The following SMOC2 variants were observed in gnomAD, a reference collection of about 807,000 sequenced individuals.
SMOC2 encodes the protein SPARC related modular calcium binding 2, also known as SPARC-related modular calcium-binding protein 2.
SMOC2 carries 39 observed loss-of-function variants against 61.4 expected under a neutral mutation model. That is an observed-to-expected ratio of 0.64 (90% CI 0.49 to 0.83). The LOEUF (loss-of-function observed/expected upper bound fraction) is 0.83, where lower values mean the gene tolerates loss of function less well. SMOC2 is among the 40% of genes least tolerant of loss of function. SMOC2 has a pLI of 0.00. For missense variants in SMOC2, 556 were observed against 592.9 expected, an observed-to-expected ratio of 0.94 and a Z score of 0.65; for synonymous variants, 247 against 239.9, an observed-to-expected ratio of 1.03 and a Z score of -0.27.
At chr6:168,522,498 T>C (rs1405207403) in intron 2 of SMOC2, among the ~76,000 whole-genome samples, 1 of 152,218 alleles carries the variant, frequency 6.6e-6, no homozygotes, top group African/African-American at 2.4e-5. Context: ...TTCAATAGAA[T>C]ATTATTCAGC....
intron 7 of SMOC2, among the ~76,000 whole-genome samples, chr6:168,558,283 G>C (rs1784295714): frequency 6.6e-6 from 1 of 152,188 alleles, no homozygotes; most frequent in African/African-American, 2.4e-5. Flanking sequence ...CGGGAGAGTG[G>C]TTGGTGTCAT....
rs1241200552 is a variant in SMOC2, at chr6:168,441,255, T to TCGCGGAGCCGCCCCTC, written c.-114_-99dup. 7.4e-7 allele frequency: 1 copy of TCGCGGAGCCGCCCCTC among 1,359,536 alleles called. No homozygotes were observed. The highest frequency in any genetic ancestry group is 1.5e-5 in the African/African-American group (1 of 64,764). 84.2% of individuals were successfully genotyped at this position (1,359,536 alleles called of 1,614,324 possible). A position where few individuals can be genotyped will look rare whatever the true frequency, so the allele number is the denominator to read the frequency against. ...GCCGCCGGGAGCGGTGGGGAGAGCATCGCGGAGCCGCCCCTCCACGCGCCC... is the reference window on the plus strand; with the variant it reads ...GCCGCCGGGAGCGGTGGGGAGAGCATCGCGGAGCCGCCCCTCCGCGGAGCCGCCCCTCCACGCGCCC... On this transcript the variant is annotated 5_prime_UTR_variant, in exon 1 of 13. Coordinates refer to ENST00000356284, the MANE Select transcript of SMOC2 (RefSeq NM_001166412.2).
intron 1 of SMOC2, among the ~76,000 whole-genome samples, chr6:168,478,912 A>C (rs1388159688): frequency 2.0e-5 from 3 of 151,446 alleles, no homozygotes; most frequent in Non-Finnish European, 3.0e-5. Flanking sequence ...CTGGTCTAGA[A>C]CAGCCCTGGT....
At chr6:168,650,313 G>GCCGGCCTCGATTGCTGGGATGT (rs1787159111) in intron 9 of SMOC2, among the ~76,000 whole-genome samples, 1 of 152,132 alleles carries the variant, frequency 6.6e-6, no homozygotes, top group Admixed American at 6.5e-5. Context: ...TGCTGGGATG[G>GCCGGCCTCGATTGCTGGGATGT]CCAGCCTCAT....
chr6:168,499,966 C>T (rs1782684153), intron 1 of SMOC2, among the ~76,000 whole-genome samples: 1 of 152,190 alleles, frequency 6.6e-6, no homozygotes, highest in Non-Finnish European at 1.5e-5. Flanking sequence ...CAATGCCTGG[C>T]CCGGGTGCTC....
chr6:168,658,951 G>T (rs938098476), intron 11 of SMOC2, among the ~76,000 whole-genome samples: 1 of 149,890 alleles, frequency 6.7e-6, no homozygotes, highest in Non-Finnish European at 1.5e-5. Context: ...GGTGTGTGTG[G>T]TGTGTGTGTA....
chr6:168,455,507 A>C (rs560703174), intron 1 of SMOC2, among the ~76,000 whole-genome samples: 3 of 152,180 alleles, frequency 2.0e-5, no homozygotes, highest in African/African-American at 7.2e-5. Flanking sequence ...TTCTTTCCTC[A>C]TTCTCTCCTA....
At chr6:168,630,106 A>G (rs967824610) in intron 9 of SMOC2, among the ~76,000 whole-genome samples, 1 of 152,046 alleles carries the variant, frequency 6.6e-6, no homozygotes, top group African/African-American at 2.4e-5. Flanking sequence ...TTCATCTCCA[A>G]CTCAGGGTGC....
intron 1 of SMOC2, among the ~76,000 whole-genome samples, chr6:168,470,455 G>T (rs1287019234): frequency 6.6e-6 from 1 of 152,084 alleles, no homozygotes; most frequent in African/African-American, 2.4e-5. Flanking sequence ...TCGGTGGGCT[G>T]CTTGAGTTCA....
intron 9 of SMOC2, among the ~76,000 whole-genome samples, chr6:168,639,122 G>A (rs1047910582): frequency 6.6e-6 from 1 of 152,174 alleles, no homozygotes; most frequent in Non-Finnish European, 1.5e-5. Flanking sequence ...TGTCAGCACT[G>A]AGCGTCCTTT....
At chr6:168,529,397 A>AG (rs1260710453) in intron 4 of SMOC2, among the ~76,000 whole-genome samples, 1 of 152,044 alleles carries the variant, frequency 6.6e-6, no homozygotes. Flanking sequence ...GCTGTCTGTG[A>AG]GGGGGGGCAG....
intron 9 of SMOC2, among the ~76,000 whole-genome samples, chr6:168,626,699 G>A (rs1021823855): frequency 6.6e-6 from 1 of 152,206 alleles, no homozygotes; most frequent in Non-Finnish European, 1.5e-5. Context: ...AACTTAACGC[G>A]TTCTGTTACC....
chr6:168,483,752 A>G (rs1295103666), intron 1 of SMOC2, among the ~76,000 whole-genome samples: 1 of 152,174 alleles, frequency 6.6e-6, no homozygotes, highest in African/African-American at 2.4e-5. Flanking sequence ...AGACAGATGT[A>G]TAGATCAACA....
At chr6:168,578,759 C>A (rs1208421249) in intron 7 of SMOC2, among the ~76,000 whole-genome samples, 1 of 152,198 alleles carries the variant, frequency 6.6e-6, no homozygotes, top group Non-Finnish European at 1.5e-5. Flanking sequence ...AGTTCTGGCT[C>A]AGCAAAAGTG....
chr6:168,571,690 A>T (rs566973571), intron 7 of SMOC2, among the ~76,000 whole-genome samples: 11 of 152,262 alleles, frequency 7.2e-5, no homozygotes, highest in African/African-American at 2.6e-4. Flanking sequence ...TGCTTCTGTG[A>T]TTGTGTCCAG....
intron 9 of SMOC2, among the ~76,000 whole-genome samples, chr6:168,637,285 AG>A (rs1409684442): frequency 6.6e-6 from 1 of 152,058 alleles, no homozygotes; most frequent in Non-Finnish European, 1.5e-5. Context: ...CCTGTGTGCC[AG>A]GGTGGCCGCG....
rs569535771 is a variant in SMOC2, at chr6:168,560,272, C to T, written c.637+11069C>T. On this transcript the variant is annotated intron_variant, in intron 7 of 12. Coordinates refer to ENST00000356284, the MANE Select transcript of SMOC2 (RefSeq NM_001166412.2). ...TAGTAACTAATGCCAGAATACGTCA[C>T]GTCAGGCTATTGTGTTTCAGATGAA... 1.8e-4 allele frequency among the ~76,000 whole-genome samples: 28 copies of T among 152,258 alleles called. No homozygotes were observed. The South Asian group carries it at 5.0e-3, about 27-fold the overall frequency.
At chr6:168,571,548 T>G (rs550144485) in intron 7 of SMOC2, among the ~76,000 whole-genome samples, 6 of 152,300 alleles carry the variant, frequency 3.9e-5, no homozygotes, top group Non-Finnish European at 8.8e-5. Flanking sequence ...TGTGTATGGT[T>G]CTGTTTAGAC....
Position 168,653,225 on chromosome 6 carries a change from C to T in SMOC2, c.1282C>T (p.His428Tyr), listed in dbSNP as rs763105491. 8 of 1,611,986 alleles carry T rather than the reference C, an allele frequency of 5.0e-6. No individual in the cohort carries two copies. The Admixed American group carries it at 1.3e-4, about 27-fold the overall frequency. Residue 428 changes from histidine to tyrosine, a missense_variant, in exon 11 of 13, where the codon CAC (histidine) becomes TAC (tyrosine). Coordinates refer to ENST00000356284, the MANE Select transcript of SMOC2 (RefSeq NM_001166412.2). ...CGGCAAAGCGGACACCAAGAAACGCCACAGTAAGAGCTTTCCCACCCCCGA... is the reference window on the plus strand; with the variant it reads ...CGGCAAAGCGGACACCAAGAAACGCTACAGTAAGAGCTTTCCCACCCCCGA... ...EDGKADTKKR[H>Y]TPRGHAESTS...
Sources: allele counts gnomAD v4.1 joint callset (sites outside exome capture counted in the v4.1 genomes callset), GRCh38; gene constraint gnomAD v4.1.1; transcripts MANE v1.5; gene names NCBI Gene and HGNC (gene_info 2026-07-23, HGNC 2026-07-21).